The following CNOT2 variants were observed in gnomAD, a reference collection of about 807,000 sequenced individuals.
CNOT2 encodes the protein CC chemokine receptor 4-negative regulator of transcription 2.
In CNOT2, 7 loss-of-function variants were observed where a neutral mutation model predicts 72.1. The ratio of observed to expected loss-of-function variants is 0.10; its 90% CI spans 0.06 to 0.18. CNOT2 has a LOEUF of 0.18. Among genes scored for constraint, CNOT2 ranks in the 10% least tolerant of loss-of-function variants. The pLI is 1.00. For synonymous variants in CNOT2, 196 were observed against 225.6 expected (o/e 0.87, Z 1.17); for missense variants, 345 against 660.3 (o/e 0.52, Z 5.23).
intron 1 of CNOT2, among the ~76,000 whole-genome samples, chr12:70,255,412 AC>A (rs1291816180): frequency 6.6e-6 from 1 of 152,166 alleles, no homozygotes; most frequent in African/African-American, 2.4e-5. Context: ...TGAATAACTT[AC>A]GCTGTTCTTT....
intron 6 of CNOT2, chr12:70,330,999 T>TTG (rs1879854356): frequency 1.3e-5 from 2 of 152,216 alleles, no homozygotes; most frequent in African/African-American, 4.8e-5. Flanking sequence ...TCACTTCTCT[T>TTG]TGTACTGTCT....
chr12:70,317,225 A>G (rs1020392298), intron 3 of CNOT2, among the ~76,000 whole-genome samples: 1 of 152,254 alleles, frequency 6.6e-6, no homozygotes, highest in African/African-American at 2.4e-5. Flanking sequence ...ATCATAAAAG[A>G]AAACTTACTA....
At chr12:70,281,396 T>G (rs1386113582) in intron 2 of CNOT2, among the ~76,000 whole-genome samples, 3 of 152,230 alleles carry the variant, frequency 2.0e-5, no homozygotes, top group Non-Finnish European at 4.4e-5. Flanking sequence ...GCTTTCCCTT[T>G]GTTACATAAC....
intron 2 of CNOT2, among the ~76,000 whole-genome samples, chr12:70,281,089 T>C (rs1332569236): frequency 4.6e-5 from 7 of 151,868 alleles, no homozygotes; most frequent in African/African-American, 7.2e-5. Context: ...TTTCCCTTTT[T>C]TTTTTTTTTT....
chr12:70,297,314 T>G (rs1872981215), intron 2 of CNOT2, among the ~76,000 whole-genome samples: 1 of 152,194 alleles, frequency 6.6e-6, no homozygotes, highest in African/African-American at 2.4e-5. Flanking sequence ...GTTAGCAGTC[T>G]TCATCTTGTA....
intron 2 of CNOT2, among the ~76,000 whole-genome samples, chr12:70,289,110 A>T (rs1871420604): frequency 6.7e-6 from 1 of 149,184 alleles, no homozygotes; most frequent in Admixed American, 6.7e-5. Flanking sequence ...TTTTTCTTCT[A>T]CCTAAAGGAT....
At chr12:70,321,295 A>G (rs529006668) in intron 4 of CNOT2, among the ~76,000 whole-genome samples, 1 of 151,840 alleles carries the variant, frequency 6.6e-6, no homozygotes, top group Non-Finnish European at 1.5e-5. Flanking sequence ...TCTAGAAGCT[A>G]TAACTAGTGG....
chr12:70,317,611 A>ATTTTT (rs529433652), intron 3 of CNOT2, among the ~76,000 whole-genome samples: 3 of 105,440 alleles, frequency 2.8e-5, no homozygotes, highest in African/African-American at 1.1e-4. Context: ...ATAAGGTTTG[A>ATTTTT]TTTTTTTTTT....
At chr12:70,308,266 A>C (rs890669267) in intron 2 of CNOT2, among the ~76,000 whole-genome samples, 4 of 152,178 alleles carry the variant, frequency 2.6e-5, no homozygotes, top group Non-Finnish European at 5.9e-5. Context: ...TTAAAATTAA[A>C]TAAATCTAGC....
intron 2 of CNOT2, among the ~76,000 whole-genome samples, chr12:70,310,108 A>G (rs1304342591): frequency 6.6e-6 from 1 of 152,048 alleles, no homozygotes; most frequent in East Asian, 1.9e-4. Flanking sequence ...ATATGAAAGG[A>G]TGTGTGTAGG....
chr12:70,312,207 CTTATAA>C (rs1464597055), intron 3 of CNOT2, among the ~76,000 whole-genome samples: 1 of 151,678 alleles, frequency 6.6e-6, no homozygotes, highest in East Asian at 1.9e-4. Context: ...TGCTATGTAA[CTTATAA>C]TTGAATTATT....
At chr12:70,345,608 G>A (rs1443202613) in intron 14 of CNOT2, 1 of 152,040 alleles carries the variant, frequency 6.6e-6, no homozygotes, top group Non-Finnish European at 1.5e-5. Flanking sequence ...ATTCTTTTAT[G>A]AATTGTAATG....
intron 4 of CNOT2, chr12:70,324,022 A>T (rs1454549499): frequency 6.6e-6 from 1 of 151,794 alleles, no homozygotes; most frequent in African/African-American, 2.4e-5. Context: ...GCTCCACAAG[A>T]GTTTAAGGAA....
chr12:70,320,192 A>G (rs927701133), intron 4 of CNOT2, among the ~76,000 whole-genome samples: 3 of 151,700 alleles, frequency 2.0e-5, no homozygotes, highest in African/African-American at 7.2e-5. Flanking sequence ...ATCAGACATT[A>G]TAGGATAATT....
Position 70,278,287 on chromosome 12 carries a change from TTTC to T in CNOT2, c.48+19_48+21del. Reference sequence around the variant, plus strand: ...AAGAAACTACCAGGTAAGACCAGTCTTTCTTCTTTTTTCTCTATTGGTCTTATA... The same window carrying T: ...AAGAAACTACCAGGTAAGACCAGTCTTTCTTTTTTCTCTATTGGTCTTATA... On this transcript the variant is annotated intron_variant, in intron 2 of 15. Coordinates refer to ENST00000229195, the MANE Select transcript of CNOT2 (RefSeq NM_014515.7). 3.2e-6 allele frequency: 5 copies of T among 1,561,932 alleles called. No individual in the cohort carries two copies. Among genetic ancestry groups the T allele is most frequent in the Non-Finnish European group, 4.4e-6 (5 of 1,132,632 alleles).
chr12:70,272,920 TC>T (rs1868289414), intron 1 of CNOT2, among the ~76,000 whole-genome samples: 1 of 152,188 alleles, frequency 6.6e-6, no homozygotes, highest in Non-Finnish European at 1.5e-5. Flanking sequence ...CTGAATCTGT[TC>T]CTGTTTACTA....
intron 1 of CNOT2, among the ~76,000 whole-genome samples, chr12:70,253,981 G>A (rs1046390161): frequency 6.6e-6 from 1 of 152,158 alleles, no homozygotes; most frequent in African/African-American, 2.4e-5. Context: ...GCTCACGCCT[G>A]TAGTCCCAAC....
intron 2 of CNOT2, among the ~76,000 whole-genome samples, chr12:70,304,146 G>A (rs867117960): frequency 5.3e-5 from 8 of 151,716 alleles, no homozygotes; most frequent in South Asian, 2.1e-4. Flanking sequence ...CCATTGGTTC[G>A]AACTTCCTCC....
At chr12:70,245,123 G>T (rs1957815649) in intron 1 of CNOT2, among the ~76,000 whole-genome samples, 1 of 152,114 alleles carries the variant, frequency 6.6e-6, no homozygotes, top group African/African-American at 2.4e-5. Context: ...TGGCTGAAAT[G>T]GTTAAGTGTC....
Sources: gnomAD v4.1 joint callset for allele counts (sites outside exome capture counted in the v4.1 genomes callset) on GRCh38, gnomAD v4.1.1 for gene constraint, MANE v1.5 for transcripts, NCBI Gene and HGNC (gene_info 2026-07-23, HGNC 2026-07-21) for gene names.